Variants in TCP11L2 observed in about 807,000 individuals in gnomAD.
TCP11L2 encodes t-complex 11 like 2, also known as T-complex protein 11-like protein 2.
In TCP11L2, 39 loss-of-function variants were observed where a neutral mutation model predicts 50.7. That is an observed-to-expected ratio of 0.77 (90% CI 0.60 to 1.01). TCP11L2 has a LOEUF of 1.01. Ranked by LOEUF, TCP11L2 falls within the 50% of genes least tolerant of loss-of-function variation. The probability of loss-of-function intolerance (pLI) is 0.00; values close to 1 mark genes in which losing one functional copy is unlikely to be tolerated. For synonymous variants in TCP11L2, 192 were observed against 219.3 expected, an observed-to-expected ratio of 0.88 and a Z score of 1.10; for missense variants, 612 against 614.7, an observed-to-expected ratio of 1.00 and a Z score of 0.05.
At chr12:106,307,180 T>G (rs76034814) in intron 1 of TCP11L2, 1 of 152,352 alleles carries the variant, frequency 6.6e-6, no homozygotes, top group East Asian at 1.9e-4. Context: ...CTTGCTGCAT[T>G]CCAGTGATGG....
Position 106,340,930 on chromosome 12 carries a change from T to A in TCP11L2, c.1247T>A (p.Ile416Asn). The A allele has an allele frequency of 6.2e-7, 1 of 1,613,796 alleles. No homozygotes were observed. The highest frequency in any genetic ancestry group is 8.5e-7 in the Non-Finnish European group (1 of 1,179,846). The change falls in exon 9 of 10, where the codon ATT becomes AAT. Residue 416 changes from isoleucine (I) to asparagine (N), a missense_variant. Coordinates refer to ENST00000299045, the MANE Select transcript of TCP11L2 (RefSeq NM_152772.3). ...GGTTTACCCACTTTAAATGCTGAGA[T>A]TCAAGCTAATCTTATAGGTCAATTT... ...ERGLPTLNAE[I>N]QANLIGQFSS...
intron 6 of TCP11L2, among the ~76,000 whole-genome samples, chr12:106,333,894 G>A (rs552021634): frequency 1.6e-4 from 25 of 152,202 alleles, no homozygotes; most frequent in South Asian, 8.3e-4. Context: ...CCACTTGCTC[G>A]TTCTACAAAT....
chr12:106,330,421 C>A, intron 6 of TCP11L2: 1 of 580,382 alleles, frequency 1.7e-6, no homozygotes, highest in Non-Finnish European at 2.2e-6. Context: ...TTGTATGTCC[C>A]ATCCTGGCAG....
chr12:106,336,788 T>C (rs117565054), intron 8 of TCP11L2, among the ~76,000 whole-genome samples: 5,832 of 152,172 alleles, frequency 0.038, 164 homozygotes, highest in Non-Finnish European at 0.058. Context: ...CTTGACCTCA[T>C]GACTCACCCA....
chr12:106,325,395 C>T (rs2035500466), intron 6 of TCP11L2: 1 of 152,230 alleles, frequency 6.6e-6, no homozygotes, highest in South Asian at 2.1e-4. Flanking sequence ...GAGGGAGTAG[C>T]CAGAGAGGTA....
At chr12:106,342,767 C>T (rs997821079) in intron 9 of TCP11L2, among the ~76,000 whole-genome samples, 1 of 152,212 alleles carries the variant, frequency 6.6e-6, no homozygotes, top group Non-Finnish European at 1.5e-5. Context: ...GCCTGTCTGA[C>T]TCCAGAGCTC....
intron 8 of TCP11L2, among the ~76,000 whole-genome samples, chr12:106,340,603 A>G (rs1204933218): frequency 6.6e-6 from 1 of 152,198 alleles, no homozygotes; most frequent in Non-Finnish European, 1.5e-5. Context: ...TTTTCTATTT[A>G]AACACTGCTA....
Position 106,314,576 on chromosome 12 carries a change from T to TGTGTGTGTGAGAGA in TCP11L2, c.293+84_293+85insTGTGTGTGAGAGAG, listed in dbSNP as rs1469308055. ...GTGTGTGTGTGTGTGTGTGTGTGTG[T>TGTGTGTGTGAGAGA]GAGAGAGAGAGAGAGAGAGAGAGAG... On this transcript the variant is annotated intron_variant, in intron 3 of 9. Transcript: ENST00000299045. 62 of 282,746 alleles carry TGTGTGTGTGAGAGA rather than the reference T, an allele frequency of 2.2e-4. No homozygotes were observed. In the African/African-American group the frequency reaches 2.4e-3, roughly 11 times the overall value. The allele number at this position is 282,746 out of a possible 1,614,324, so 17.5% of individuals were successfully genotyped here. A position where few individuals can be genotyped will look rare whatever the true frequency, so the allele number is the denominator to read the frequency against.
chr12:106,300,047 A>T (rs2034385009), upstream of TCP11L2, among the ~76,000 whole-genome samples: 1 of 152,198 alleles, frequency 6.6e-6, no homozygotes, highest in Non-Finnish European at 1.5e-5. Context: ...AAAAAACTGT[A>T]TTACTGTGAG....
chr12:106,306,935 T>G (rs1346459448), intron 1 of TCP11L2, among the ~76,000 whole-genome samples: 1 of 152,230 alleles, frequency 6.6e-6, no homozygotes, highest in Non-Finnish European at 1.5e-5. Flanking sequence ...TTTGCAATTC[T>G]GAACCAGTGC....
chr12:106,322,167 A>G lies in TCP11L2; in HGVS notation c.635+461A>G, dbSNP rs140142891. On this transcript the variant is annotated intron_variant, in intron 5 of 9. Transcript: ENST00000299045. ...TTTATCCAGTAAAAGTTTGTTTCTC[A>G]TGTCACAGTCCAATTCAGGGGTCCT... Among the ~76,000 whole-genome samples, 149 of 152,218 alleles carry G rather than the reference A, an allele frequency of 9.8e-4. 1 individual carries two copies. In the East Asian group the frequency reaches 0.013, roughly 14 times the overall value.
intron 4 of TCP11L2, 84 bp downstream of exon 4, chr12:106,318,548 T>C (rs2035191268): frequency 1.9e-6 from 3 of 1,540,692 alleles, no homozygotes; most frequent in Non-Finnish European, 2.6e-6. Context: ...GGGTGGCTTA[T>C]AAACAATAGA....
intron 1 of TCP11L2, chr12:106,307,487 C>T (rs967243696): frequency 1.3e-5 from 2 of 152,192 alleles, no homozygotes; most frequent in Non-Finnish European, 2.9e-5. Context: ...AAGATACAGC[C>T]TGGTTTCATT....
intron 3 of TCP11L2, among the ~76,000 whole-genome samples, chr12:106,315,043 C>T (rs924583780): frequency 4.0e-5 from 6 of 151,416 alleles, no homozygotes; most frequent in South Asian, 2.1e-4. Context: ...GTGACCAGCC[C>T]GGCCAACGTG....
upstream of TCP11L2, among the ~76,000 whole-genome samples, chr12:106,301,677 C>A (rs2034420065): frequency 1.3e-5 from 2 of 152,156 alleles, no homozygotes; most frequent in Non-Finnish European, 2.9e-5. Flanking sequence ...GTAAGTAGTT[C>A]CTGCATGAAA....
chr12:106,330,666 G>T (rs1020952090), intron 6 of TCP11L2, among the ~76,000 whole-genome samples: 3 of 152,144 alleles, frequency 2.0e-5, no homozygotes, highest in Non-Finnish European at 4.4e-5. Flanking sequence ...AAGGAAGTCT[G>T]GTGGCCGTTG....
chr12:106,300,365 T>C (rs2034390047), upstream of TCP11L2, among the ~76,000 whole-genome samples: 1 of 152,232 alleles, frequency 6.6e-6, no homozygotes, highest in Non-Finnish European at 1.5e-5. Flanking sequence ...AGTCTCGCTC[T>C]GTCGCCCAGG....
intron 9 of TCP11L2, among the ~76,000 whole-genome samples, chr12:106,344,091 G>A (rs1363410557): frequency 6.6e-6 from 1 of 151,816 alleles, no homozygotes; most frequent in Non-Finnish European, 1.5e-5. Context: ...GGCCAAAGCA[G>A]GAGGATGGCT....
At chr12:106,340,222 C>T (rs1260003058) in intron 8 of TCP11L2, among the ~76,000 whole-genome samples, 1 of 152,148 alleles carries the variant, frequency 6.6e-6, no homozygotes, top group African/African-American at 2.4e-5. Flanking sequence ...TTTTTCCTTA[C>T]CTACTAAATA....
Sources: allele counts gnomAD v4.1 joint callset (sites outside exome capture counted in the v4.1 genomes callset), GRCh38; gene constraint gnomAD v4.1.1; transcripts MANE v1.5; gene names NCBI Gene and HGNC (gene_info 2026-07-23, HGNC 2026-07-21).